The following RPIA variants were observed in gnomAD, a reference collection of about 807,000 sequenced individuals.
The protein encoded by RPIA is ribose-5-phosphate isomerase.
RPIA carries 29 observed loss-of-function variants against 37.8 expected under a neutral mutation model. The ratio of observed to expected loss-of-function variants is 0.77; its 90% CI spans 0.57 to 1.05. The LOEUF is 1.05. RPIA is among the 50% of genes least tolerant of loss of function. The pLI is 0.00. For synonymous variants in RPIA, 167 were observed against 157.0 expected (o/e 1.06, Z -0.48); for missense variants, 385 against 413.6 (o/e 0.93, Z 0.60).
In RPIA at chr2:88,750,091, C is replaced by A; in HGVS notation, c.*13C>A. On this transcript the variant is annotated 3_prime_UTR_variant, in exon 9 of 9. Transcript: ENST00000283646. ...GCCTTTCTGTTGACCCTGCAAGGAG[C>A]AGAGTGTGTTCACCTTGAGTCTCCA... The A allele has an allele frequency of 6.3e-7, 1 of 1,585,294 alleles. No individual in the cohort carries two copies. The highest frequency in any genetic ancestry group is 8.7e-7 in the Non-Finnish European group (1 of 1,155,386).
intron 3 of RPIA, among the ~76,000 whole-genome samples, chr2:88,722,193 T>A (rs1673142262): frequency 6.6e-6 from 1 of 152,078 alleles, no homozygotes; most frequent in African/African-American, 2.4e-5. Context: ...TTTACATCTC[T>A]CTTATTTTGT....
chr2:88,728,409 A>G (rs1338079709), intron 3 of RPIA, among the ~76,000 whole-genome samples: 2 of 152,158 alleles, frequency 1.3e-5, no homozygotes, highest in Non-Finnish European at 2.9e-5. Context: ...CTCATTTAAG[A>G]TTAGAACCTG....
intron 3 of RPIA, among the ~76,000 whole-genome samples, chr2:88,700,311 G>A (rs576450062): frequency 4.6e-5 from 7 of 152,120 alleles, no homozygotes; most frequent in Non-Finnish European, 1.0e-4. Flanking sequence ...GAGATGGCCC[G>A]GTAGTCTCTC....
At chr2:88,707,233 A>G (rs1672908645) in intron 3 of RPIA, among the ~76,000 whole-genome samples, 2 of 152,110 alleles carry the variant, frequency 1.3e-5, no homozygotes, top group Middle Eastern at 3.4e-3. Context: ...TTCCCAACCC[A>G]TACCTTCCTT....
At chr2:88,727,545 C>T (rs948949843) in intron 3 of RPIA, among the ~76,000 whole-genome samples, 3 of 152,174 alleles carry the variant, frequency 2.0e-5, no homozygotes, top group Non-Finnish European at 4.4e-5. Flanking sequence ...CGTCTCCTTC[C>T]TCCCACCCTC....
intron 8 of RPIA, among the ~76,000 whole-genome samples, chr2:88,744,049 G>A (rs11900478): frequency 9.5e-4 from 145 of 152,054 alleles, no homozygotes; most frequent in African/African-American, 3.3e-3. Flanking sequence ...CTTCTGTTGG[G>A]TTTGAGTGTG....
chr2:88,735,655 C>T lies in RPIA; in HGVS notation c.528-14C>T. On this transcript the variant is annotated splice_polypyrimidine_tract_variant and intron_variant, in intron 5 of 8. Transcript: ENST00000283646. ...TTTGTCTTACTCCTGTGTTCCTTTGCTTCTTTCCTGCAGAGGCTGCCTGAC... is the reference window on the plus strand; with the variant it reads ...TTTGTCTTACTCCTGTGTTCCTTTGTTTCTTTCCTGCAGAGGCTGCCTGAC... 1 of 1,613,888 alleles carries T rather than the reference C, an allele frequency of 6.2e-7. No individual in the cohort carries two copies. The highest frequency in any genetic ancestry group is 8.5e-7 in the Non-Finnish European group (1 of 1,179,798).
Position 88,707,936 on chromosome 2 carries a change from T to G in RPIA, c.402+7872T>G, listed in dbSNP as rs80000969. On this transcript the variant is annotated intron_variant, in intron 3 of 8. Transcript: ENST00000283646. The stretch of plus-strand genomic sequence containing the variant: ...CCTGAAAAACTGGTGCCATGGGCTA[T>G]CGGAACATTGGACTGATTCTAAGAA... Among the ~76,000 whole-genome samples, 708 of 152,318 alleles carry G rather than the reference T, an allele frequency of 4.6e-3. 29 individuals are homozygous for G. In the East Asian group the frequency reaches 0.11, roughly 24 times the overall value.
At chr2:88,736,242 T>A (rs1274351481) in intron 6 of RPIA, among the ~76,000 whole-genome samples, 2 of 152,216 alleles carry the variant, frequency 1.3e-5, no homozygotes, top group Non-Finnish European at 2.9e-5. Flanking sequence ...ATTTCAAATA[T>A]GTGTATGTGT....
intron 1 of RPIA, among the ~76,000 whole-genome samples, chr2:88,693,377 T>C (rs762148645): frequency 2.6e-5 from 4 of 152,146 alleles, no homozygotes; most frequent in Admixed American, 6.5e-5. Flanking sequence ...TTAGGTAATT[T>C]TGGGGAGATC....
intron 3 of RPIA, among the ~76,000 whole-genome samples, chr2:88,720,110 G>A (rs990375682): frequency 5.3e-5 from 8 of 152,130 alleles, no homozygotes; most frequent in African/African-American, 1.9e-4. Flanking sequence ...ATTACTGTCA[G>A]TATTTAAGAT....
intron 1 of RPIA, among the ~76,000 whole-genome samples, chr2:88,694,428 C>T (rs1179014047): frequency 2.0e-5 from 3 of 152,188 alleles, no homozygotes; most frequent in African/African-American, 7.2e-5. Context: ...TATGGCTAAG[C>T]TTGGTAACCA....
intron 3 of RPIA, among the ~76,000 whole-genome samples, chr2:88,716,605 G>C (rs888559827): frequency 6.6e-6 from 1 of 152,154 alleles, no homozygotes; most frequent in Non-Finnish European, 1.5e-5. Flanking sequence ...GAAAATGCTG[G>C]CCCATTCCGG....
At chr2:88,697,497 G>T (rs901878299) in intron 1 of RPIA, among the ~76,000 whole-genome samples, 1 of 152,208 alleles carries the variant, frequency 6.6e-6, no homozygotes, top group South Asian at 2.1e-4. Context: ...CCCTGGCCTC[G>T]TTTTGCTCTT....
intron 3 of RPIA, among the ~76,000 whole-genome samples, chr2:88,722,837 T>C (rs887716977): frequency 6.6e-6 from 1 of 152,216 alleles, no homozygotes; most frequent in Non-Finnish European, 1.5e-5. Flanking sequence ...TTCTGAATTC[T>C]TTAAAGGGGT....
Position 88,691,797 on chromosome 2 carries a change from C to G in RPIA, c.99C>G (p.Ser33Arg). ...GGAASGGGGN[S>R]WDLPGSHVRL... ...CGGCCTCCGGCGGAGGAGGGAACAG[C>G]TGGGACCTCCCGGGTTCCCACGTGC... The change falls in exon 1 of 9, where the codon AGC becomes AGG. Residue 33 changes from serine to arginine, a missense_variant. Transcript: ENST00000283646. The G allele has an allele frequency of 6.3e-7, 1 of 1,594,566 alleles. No individual in the cohort carries two copies. Among genetic ancestry groups the G allele is most frequent in the Non-Finnish European group, 8.5e-7 (1 of 1,173,278 alleles).
At chr2:88,739,257 C>A (rs958413333) in intron 8 of RPIA, among the ~76,000 whole-genome samples, 19 of 152,200 alleles carry the variant, frequency 1.2e-4, no homozygotes, top group Non-Finnish European at 2.5e-4. Flanking sequence ...GCTGACAGGA[C>A]CTTTCAGGCC....
chr2:88,720,932 A>G (rs933220220), intron 3 of RPIA, among the ~76,000 whole-genome samples: 7 of 152,228 alleles, frequency 4.6e-5, no homozygotes, highest in African/African-American at 1.7e-4. Context: ...TTATTGCAGC[A>G]CTATTCACAA....
chr2:88,729,417 A>C lies in RPIA; in HGVS notation c.462+80A>C, dbSNP rs919566650. The C allele has an allele frequency of 1.1e-5, 14 of 1,328,370 alleles. No individual in the cohort carries two copies. In the Admixed American group the frequency reaches 1.2e-4, roughly 12 times the overall value. The allele number at this position is 1,328,370 out of a possible 1,614,324, so 82.3% of individuals were successfully genotyped here. On this transcript the variant is annotated intron_variant, in intron 4 of 8. Coordinates refer to ENST00000283646, the MANE Select transcript of RPIA (RefSeq NM_144563.3). Reference sequence around the variant, plus strand: ...GCTGTCACTTGTTCATGGGCTCCAGATATCTTGTAAAATCTAGGGAAGATG... The same window carrying C: ...GCTGTCACTTGTTCATGGGCTCCAGCTATCTTGTAAAATCTAGGGAAGATG...
Sources: allele counts gnomAD v4.1 joint callset (sites outside exome capture counted in the v4.1 genomes callset), GRCh38; gene constraint gnomAD v4.1.1; transcripts MANE v1.5; gene names NCBI Gene and HGNC (gene_info 2026-07-23, HGNC 2026-07-21).